ZNF367: variants seen among roughly 807,000 people sequenced by gnomAD.
ZNF367 encodes zinc finger protein 367.
A neutral mutation model predicts 31.8 loss-of-function variants in ZNF367; 11 were observed. That is an observed-to-expected ratio of 0.35 (90% confidence interval 0.22 to 0.57). The LOEUF (loss-of-function observed/expected upper bound fraction) is 0.57, where lower values mean the gene tolerates loss of function less well. ZNF367 is among the 20% of genes least tolerant of loss of function. ZNF367 has a pLI of 0.85. For missense variants in ZNF367, 353 were observed against 484.1 expected, an observed-to-expected ratio of 0.73 and a Z score of 2.54; for synonymous variants, 199 against 202.4, an observed-to-expected ratio of 0.98 and a Z score of 0.14.
chr9:96,390,953 A>C (rs1230448674), intron 4 of ZNF367, among the ~76,000 whole-genome samples: 1 of 151,748 alleles, frequency 6.6e-6, no homozygotes, highest in Non-Finnish European at 1.5e-5. Context: ...AATTAGAAAT[A>C]ATGGGGCAGT....
intron 4 of ZNF367, among the ~76,000 whole-genome samples, chr9:96,389,046 C>T (rs773743547): frequency 2.0e-5 from 3 of 152,114 alleles, no homozygotes; most frequent in Admixed American, 6.5e-5. Flanking sequence ...CGCCTGTAAT[C>T]CTAGCACTTT....
intron 1 of ZNF367, among the ~76,000 whole-genome samples, chr9:96,402,444 C>CTTTTTTTTTTTTTTTTTT (rs1174997133): frequency 1.5e-5 from 1 of 66,094 alleles, no homozygotes; most frequent in African/African-American, 6.8e-5. Context: ...TTCTTTCTTT[C>CTTTTTTTTTTTTTTTTTT]TTTTTTTTTT....
intron 1 of ZNF367, among the ~76,000 whole-genome samples, chr9:96,405,658 TA>T (rs1168884647): frequency 6.6e-6 from 1 of 152,038 alleles, no homozygotes; most frequent in African/African-American, 2.4e-5. Flanking sequence ...TGGATGAACC[TA>T]AAAAACAGTA....
rs1221614578 is a variant in ZNF367, at chr9:96,417,916, C to G, written c.117G>C (p.Pro39=). The G allele has an allele frequency of 2.6e-6, 4 of 1,526,942 alleles. No individual in the cohort carries two copies. The highest frequency in any genetic ancestry group is 3.5e-6 in the Non-Finnish European group (4 of 1,146,610). The allele number at this position is 1,526,942 out of a possible 1,614,324, so 94.6% of individuals were successfully genotyped here. ...CTCCACCGCCGCACGTTGGCTTGAT[C>G]GGGGTCGTCCTGATGACCGACACCA... ...RVLVSVIRTT[P]IKPTCGGGGE... Residue 39 remains proline, a synonymous_variant, in exon 1 of 5, where the codon CCG becomes CCC. Coordinates refer to ENST00000375256, the MANE Select transcript of ZNF367 (RefSeq NM_153695.4). This position sits in a 1 kb window ranked among gnomAD's most constrained non-coding sequence, Gnocchi z 5.0.
Position 96,417,665 on chromosome 9 carries a change from G to T in ZNF367, c.368C>A (p.Ser123Ter). ...PPAASASAAA[S>*]GGEDEEEASS... Reference sequence around the variant, plus strand: ...CGCTTCCTCCTCGTCCTCACCTCCCGAGGCGGCGGCGGAGGCCGAGGCGGC... The same window carrying T: ...CGCTTCCTCCTCGTCCTCACCTCCCTAGGCGGCGGCGGAGGCCGAGGCGGC... Residue 123 changes from serine to a stop codon, truncating the protein, a stop_gained, in exon 1 of 5, where the codon TCG becomes TAG. Coordinates refer to ENST00000375256, the MANE Select transcript of ZNF367 (RefSeq NM_153695.4). LOFTEE classifies it high-confidence loss of function. The surrounding 1 kb of genome is among the most constrained non-coding windows in gnomAD (Gnocchi z 5.0). 9.7e-7 allele frequency: 1 copy of T among 1,027,526 alleles called. No individual in the cohort carries two copies. The highest frequency in any genetic ancestry group is 1.2e-6 in the Non-Finnish European group (1 of 809,616). The allele number at this position is 1,027,526 out of a possible 1,614,324, so 63.7% of individuals were successfully genotyped here.
intron 1 of ZNF367, among the ~76,000 whole-genome samples, chr9:96,405,314 C>CAAAAAAAA (rs975848691): frequency 0.025 from 1,388 of 54,996 alleles, 26 homozygotes; most frequent in Non-Finnish European, 0.04. Flanking sequence ...AACTCTGTCT[C>CAAAAAAAA]AAAAAAAAAA....
chr9:96,415,502 TTTTTTTTTTTTTTG>T (rs1831812211), intron 1 of ZNF367, among the ~76,000 whole-genome samples: 1 of 110,112 alleles, frequency 9.1e-6, no homozygotes, highest in Admixed American at 9.2e-5. Flanking sequence ...TTTTTTTTTT[TTTTTTTTTTTTTTG>T]AGACGGAGTC....
At chr9:96,408,552 C>A (rs1356847392) in intron 1 of ZNF367, among the ~76,000 whole-genome samples, 1 of 152,040 alleles carries the variant, frequency 6.6e-6, no homozygotes, top group Non-Finnish European at 1.5e-5. Flanking sequence ...ATAATTTTAC[C>A]TATATGAGGT....
chr9:96,397,829 C>G (rs978581986), intron 2 of ZNF367, among the ~76,000 whole-genome samples: 1 of 152,026 alleles, frequency 6.6e-6, no homozygotes, highest in African/African-American at 2.4e-5. Flanking sequence ...CGGTGGCTCA[C>G]GCCTGTAATC....
intron 4 of ZNF367, 24 bp from the exon 5 acceptor site, chr9:96,388,483 G>T (rs762966232): frequency 6.3e-7 from 1 of 1,582,314 alleles, no homozygotes; most frequent in South Asian, 1.2e-5. Context: ...AGCAACATTA[G>T]TTACATGGCA....
intron 1 of ZNF367, among the ~76,000 whole-genome samples, chr9:96,402,619 A>ATTTTTTTT (rs61651699): frequency 5.7e-5 from 4 of 70,200 alleles, no homozygotes; most frequent in African/African-American, 6.5e-5. Flanking sequence ...CGCCTGGCTA[A>ATTTTTTTT]TTTTTTTTTT....
chr9:96,407,001 CAAAAAA>C (rs71368256), intron 1 of ZNF367, among the ~76,000 whole-genome samples: 1 of 35,872 alleles, frequency 2.8e-5, no homozygotes, highest in Non-Finnish European at 4.9e-5. Context: ...GACTCCATCT[CAAAAAA>C]AAAAAAAAAA....
chr9:96,414,447 G>C (rs1420435118), intron 1 of ZNF367, among the ~76,000 whole-genome samples: 1 of 152,122 alleles, frequency 6.6e-6, no homozygotes, highest in African/African-American at 2.4e-5. Context: ...GAGGTGTACA[G>C]CATGGAAATA....
chr9:96,393,449 A>G (rs536242832), intron 3 of ZNF367, among the ~76,000 whole-genome samples: 8 of 152,232 alleles, frequency 5.3e-5, no homozygotes, highest in South Asian at 4.2e-4. Flanking sequence ...TGAACTCAGG[A>G]GGCGAAGGTT....
At chr9:96,397,157 G>A (rs759985991) in intron 2 of ZNF367, among the ~76,000 whole-genome samples, 2 of 152,074 alleles carry the variant, frequency 1.3e-5, no homozygotes, top group Non-Finnish European at 2.9e-5. Context: ...ACTGTATGGG[G>A]CAGTGTAGCT....
chr9:96,385,947 A>T lies in ZNF367; in HGVS notation c.*2290T>A, dbSNP rs1276794958. On this transcript the variant is annotated 3_prime_UTR_variant, in exon 5 of 5. Coordinates refer to ENST00000375256, the MANE Select transcript of ZNF367 (RefSeq NM_153695.4). ...AATGACCGTGTACTTTAAATTTTAA[A>T]TTAAAATAAATTTTTATTCAAAGCA... 1 of 152,340 alleles carries T rather than the reference A, an allele frequency of 6.6e-6. No homozygotes were observed. Among genetic ancestry groups the T allele is most frequent in the Non-Finnish European group, 1.5e-5 (1 of 68,028 alleles). 9.4% of individuals were successfully genotyped at this position (152,340 alleles called of 1,614,324 possible).
chr9:96,400,881 AT>A (rs1195531076), intron 1 of ZNF367, among the ~76,000 whole-genome samples: 1 of 152,242 alleles, frequency 6.6e-6, no homozygotes, highest in African/African-American at 2.4e-5. Flanking sequence ...ACACCAAGAC[AT>A]TTTGTAATCA....
At chr9:96,389,311 A>G (rs1831441945) in intron 4 of ZNF367, among the ~76,000 whole-genome samples, 1 of 151,942 alleles carries the variant, frequency 6.6e-6, no homozygotes, top group Admixed American at 6.6e-5. Flanking sequence ...AGAAAAAAAA[A>G]AAAAAGAAAA....
chr9:96,416,039 C>T lies in ZNF367; in HGVS notation c.420+1574G>A, dbSNP rs532976967. Among the ~76,000 whole-genome samples, 6 of 151,392 alleles carry T rather than the reference C, an allele frequency of 4.0e-5. No homozygotes were observed. The East Asian group carries it at 1.2e-3, about 30-fold the overall frequency. On this transcript the variant is annotated intron_variant, in intron 1 of 4. Coordinates refer to ENST00000375256, the MANE Select transcript of ZNF367 (RefSeq NM_153695.4). ...CAGCCTCAGCCTCCTGAAGGGATCA[C>T]AGGCATGAGCCACCTCACCAGGCTC...
Sources: gnomAD v4.1 joint callset for allele counts (sites outside exome capture counted in the v4.1 genomes callset) on GRCh38, gnomAD v4.1.1 for gene constraint, Gnocchi (gnomAD v3.1) non-coding constraint, MANE v1.5 for transcripts, NCBI Gene and HGNC (gene_info 2026-07-23, HGNC 2026-07-21) for gene names.